COX7B2: variants seen among roughly 807,000 people sequenced by gnomAD.
The protein encoded by COX7B2 is cytochrome c oxidase subunit 7B2, mitochondrial.
For missense variants in COX7B2, 109 were observed against 95.9 expected (o/e 1.14, Z -0.57); for synonymous variants, 37 against 32.1 (o/e 1.15, Z -0.51).
At chr4:46,781,736 C>G (rs1040621903) in intron 2 of COX7B2, among the ~76,000 whole-genome samples, 3 of 152,252 alleles carry the variant, frequency 2.0e-5, no homozygotes, top group African/African-American at 4.8e-5. Context: ...AGCATGAGTT[C>G]CGGGTGGGCG....
chr4:46,903,059 A>G (rs1720165226), intron 1 of COX7B2, among the ~76,000 whole-genome samples: 1 of 152,192 alleles, frequency 6.6e-6, no homozygotes, highest in Admixed American at 6.5e-5. Context: ...TAATTCTAAC[A>G]TTATAGAGAT....
At position 46,734,932 on chromosome 4, in the gene COX7B2, C is replaced by T. The variant is rs772441556; in HGVS notation, c.*15G>A. 3.1e-6 allele frequency: 5 copies of T among 1,613,912 alleles called. No homozygotes were observed. The Admixed American group carries it at 6.7e-5, about 22-fold the overall frequency. On this transcript the variant is annotated 3_prime_UTR_variant, in exon 3 of 3. Transcript: ENST00000355591. The stretch of plus-strand genomic sequence containing the variant: ...GGTTTTTTAAACAATTCTGTCATTA[C>T]AGCAACTGTGATGGTTACTGATGTT...
intron 2 of COX7B2, among the ~76,000 whole-genome samples, chr4:46,781,771 G>T (rs1717466586): frequency 6.6e-6 from 1 of 152,236 alleles, no homozygotes; most frequent in South Asian, 2.1e-4. Flanking sequence ...CCCACCCTTG[G>T]AGTGACCAGC....
At chr4:46,894,331 G>A (rs1195084148) in intron 1 of COX7B2, among the ~76,000 whole-genome samples, 9 of 151,952 alleles carry the variant, frequency 5.9e-5, no homozygotes, top group Non-Finnish European at 1.2e-4. Context: ...CCAGAAATAA[G>A]GCTGCCCACC....
At chr4:46,870,645 A>G (rs560426152) in intron 1 of COX7B2, among the ~76,000 whole-genome samples, 1 of 152,176 alleles carries the variant, frequency 6.6e-6, no homozygotes, top group Non-Finnish European at 1.5e-5. Context: ...TTCAGGATAC[A>G]AAATCAACCT....
chr4:46,772,541 C>T (rs1367476279), intron 2 of COX7B2, among the ~76,000 whole-genome samples: 3 of 151,834 alleles, frequency 2.0e-5, no homozygotes, highest in Non-Finnish European at 4.4e-5. Context: ...CAAAACATGA[C>T]ATTGTATATC....
chr4:46,868,733 G>A (rs1717817532), intron 1 of COX7B2, among the ~76,000 whole-genome samples: 1 of 152,190 alleles, frequency 6.6e-6, no homozygotes, highest in Non-Finnish European at 1.5e-5. Context: ...TGGTCCAAAA[G>A]TGTGTTTGGT....
Position 46,884,098 on chromosome 4 carries a change from T to C in COX7B2, c.-105+25062A>G, listed in dbSNP as rs115337875. Among the ~76,000 whole-genome samples, 1,006 of 148,698 alleles carry C rather than the reference T, an allele frequency of 6.8e-3. 13 individuals carry two copies. Among genetic ancestry groups the C allele is most frequent in the African/African-American group, 0.023 (942 of 40,438 alleles). ...CTGTTCCCATTTTAGAAATGAGAAA[T>C]CTAAACCTCCAAGAACTTCAATAAC... On this transcript the variant is annotated intron_variant, in intron 1 of 2. Coordinates refer to ENST00000355591, the MANE Select transcript of COX7B2 (RefSeq NM_130902.3).
intron 1 of COX7B2, among the ~76,000 whole-genome samples, chr4:46,860,168 G>T (rs1717250235): frequency 6.6e-6 from 1 of 152,186 alleles, no homozygotes; most frequent in Non-Finnish European, 1.5e-5. Flanking sequence ...GGTAAAGCGA[G>T]GTGGCAAGGC....
intron 1 of COX7B2, among the ~76,000 whole-genome samples, chr4:46,848,761 T>C (rs1390476924): frequency 6.6e-6 from 1 of 151,988 alleles, no homozygotes; most frequent in Non-Finnish European, 1.5e-5. Flanking sequence ...ATAATATATA[T>C]GGTGTGTGTT....
chr4:46,904,928 G>A (rs1720284051), intron 1 of COX7B2, among the ~76,000 whole-genome samples: 1 of 152,174 alleles, frequency 6.6e-6, no homozygotes, highest in Non-Finnish European at 1.5e-5. Flanking sequence ...CATTAGGTAT[G>A]CATAGTATGG....
chr4:46,858,825 A>G (rs1717166933), intron 1 of COX7B2, among the ~76,000 whole-genome samples: 1 of 152,200 alleles, frequency 6.6e-6, no homozygotes, highest in Non-Finnish European at 1.5e-5. Flanking sequence ...TAAGGAAATA[A>G]AAGGTAACCA....
chr4:46,776,587 C>A (rs191514581), intron 2 of COX7B2, among the ~76,000 whole-genome samples: 79 of 151,894 alleles, frequency 5.2e-4, no homozygotes, highest in Admixed American at 1.6e-3. Flanking sequence ...GGGAGAAGAT[C>A]AAAAAATATC....
chr4:46,782,668 G>A (rs1717542744), intron 2 of COX7B2, among the ~76,000 whole-genome samples: 1 of 152,180 alleles, frequency 6.6e-6, no homozygotes, highest in South Asian at 2.1e-4. Flanking sequence ...CCACTTTTAA[G>A]AGCTGTAACA....
chr4:46,902,156 A>G (rs564676603), intron 1 of COX7B2, among the ~76,000 whole-genome samples: 1 of 152,328 alleles, frequency 6.6e-6, no homozygotes, highest in South Asian at 2.1e-4. Context: ...AGCACACAGT[A>G]TGAGGAAAGT....
chr4:46,737,044 G>T (rs565063558), intron 2 of COX7B2, among the ~76,000 whole-genome samples: 1 of 152,126 alleles, frequency 6.6e-6, no homozygotes, highest in East Asian at 1.9e-4. Context: ...TTCCAAAGTG[G>T]CTGTACCATT....
At chr4:46,850,226 A>AATTTAAAATGATTTAAAATAATTTAAATG (rs1560419069) in intron 1 of COX7B2, among the ~76,000 whole-genome samples, 41 of 148,588 alleles carry the variant, frequency 2.8e-4, no homozygotes, top group African/African-American at 7.4e-4. Context: ...AATTTTAAAT[A>AATTTAAAATGATTTAAAATAATTTAAATG]ATTTAAAATG....
At chr4:46,847,919 CT>C (rs1560417749) in intron 1 of COX7B2, among the ~76,000 whole-genome samples, 1 of 152,034 alleles carries the variant, frequency 6.6e-6, no homozygotes, top group African/African-American at 2.4e-5. Context: ...ATTTTACCCC[CT>C]CTTAGCAGAA....
intron 2 of COX7B2, among the ~76,000 whole-genome samples, chr4:46,829,789 T>C (rs1214592830): frequency 2.0e-5 from 3 of 152,172 alleles, no homozygotes; most frequent in African/African-American, 7.2e-5. Context: ...CAATATATTA[T>C]ACCATATAGG....
Sources: allele counts gnomAD v4.1 joint callset (sites outside exome capture counted in the v4.1 genomes callset), GRCh38; gene constraint gnomAD v4.1.1; transcripts MANE v1.5; gene names NCBI Gene and HGNC (gene_info 2026-07-23, HGNC 2026-07-21).